The following CXADR variants were observed in gnomAD, a reference collection of about 807,000 sequenced individuals.
The protein encoded by CXADR is coxsackievirus and adenovirus receptor.
Under a neutral mutation model 40.3 loss-of-function variants are expected in CXADR, and 20 were observed. The observed-to-expected ratio is 0.50, with a 90% confidence interval of 0.35 to 0.72. The LOEUF is 0.72. CXADR is among the 30% of genes least tolerant of loss of function. The probability of loss-of-function intolerance (pLI) is 0.01; values close to 1 mark genes in which losing one functional copy is unlikely to be tolerated. For missense variants in CXADR, 332 were observed against 449.1 expected (o/e 0.74, Z 2.36); for synonymous variants, 150 against 161.3 (o/e 0.93, Z 0.53).
rs1383823843 is a variant in CXADR at position 17,565,684 on chromosome 21, A to G, written c.1090A>G (p.Ile364Val). Residue 364 changes from isoleucine to valine, a missense_variant, in exon 7 of 7, where the codon ATA becomes GTA. Coordinates refer to ENST00000284878, the MANE Select transcript of CXADR (RefSeq NM_001338.5). ...TCCAGCACAGAGCAAGGATGGGTCTATAGTATAGAGCCTCCATATGTCTCA... is the reference window on the plus strand; with the variant it reads ...TCCAGCACAGAGCAAGGATGGGTCTGTAGTATAGAGCCTCCATATGTCTCA... ...MIPAQSKDGS[I>V]V is the part of the protein sequence containing the mutation. 50 of 1,611,820 alleles carry G rather than the reference A, an allele frequency of 3.1e-5. No homozygotes were observed. The East Asian group carries it at 9.4e-4, about 30-fold the overall frequency.
chr21:17,535,807 G>A (rs1191621872), intron 1 of CXADR, among the ~76,000 whole-genome samples: 1 of 152,132 alleles, frequency 6.6e-6, no homozygotes, highest in Non-Finnish European at 1.5e-5. Flanking sequence ...GGGAGTTCAA[G>A]ACCAGCCTGA....
chr21:17,611,325 C>T, the CXADR span, among the ~76,000 whole-genome samples: 2 of 152,164 alleles, frequency 1.3e-5, no homozygotes, highest in East Asian at 1.9e-4. Context: ...GATCTTTCTC[C>T]TCATTCATTA....
intron 1 of CXADR, among the ~76,000 whole-genome samples, chr21:17,514,863 A>T (rs1045827965): frequency 6.6e-6 from 1 of 152,090 alleles, no homozygotes; most frequent in Non-Finnish European, 1.5e-5. Context: ...ACCTCAGGTG[A>T]TCCGCCTCCC....
At chr21:17,529,454 G>T (rs2060642059) in intron 1 of CXADR, among the ~76,000 whole-genome samples, 1 of 152,106 alleles carries the variant, frequency 6.6e-6, no homozygotes, top group African/African-American at 2.4e-5. Flanking sequence ...TTGAACAGCT[G>T]GGATTACAGG....
chr21:17,600,227 C>T, the CXADR span, among the ~76,000 whole-genome samples: 1 of 151,886 alleles, frequency 6.6e-6, no homozygotes, highest in East Asian at 1.9e-4. Flanking sequence ...AGGAGAAATC[C>T]ACAAATCTAT....
rs879833089 is a variant in CXADR, at chr21:17,566,010, G to C, written c.*318G>C. On this transcript the variant is annotated 3_prime_UTR_variant, in exon 7 of 7. Transcript: ENST00000284878. The stretch of plus-strand genomic sequence containing the variant: ...ATATGAAATCATAGGTGAAGACATG[G>C]GTGAACTTACTTGCATACCAAGTTG... 9 of 1,016,240 alleles carry C rather than the reference G, an allele frequency of 8.9e-6. No individual in the cohort carries two copies. The Admixed American group carries it at 5.0e-4, about 57-fold the overall frequency. 63.0% of individuals were successfully genotyped at this position (1,016,240 alleles called of 1,614,324 possible).
chr21:17,567,520 G>C lies in CXADR; in HGVS notation c.*1828G>C. 1 of 985,346 alleles carries C rather than the reference G, an allele frequency of 1.0e-6. No individual in the cohort carries two copies. The highest frequency in any genetic ancestry group is 4.7e-5 in the South Asian group (1 of 21,282). The allele number at this position is 985,346 out of a possible 1,614,324, so 61.0% of individuals were successfully genotyped here. ...GTACTGTTTCTAAAAACACATCACTGTGATACCTTTCTATCCTCACATTTT... is the reference window on the plus strand; with the variant it reads ...GTACTGTTTCTAAAAACACATCACTCTGATACCTTTCTATCCTCACATTTT... On this transcript the variant is annotated 3_prime_UTR_variant, in exon 7 of 7. Coordinates refer to ENST00000284878, the MANE Select transcript of CXADR (RefSeq NM_001338.5).
intron 1 of CXADR, among the ~76,000 whole-genome samples, chr21:17,528,581 A>G (rs1430055869): frequency 1.3e-5 from 2 of 148,258 alleles, no homozygotes; most frequent in Admixed American, 6.8e-5. Context: ...AATTTTTTGT[A>G]TTTTTTAGTA....
At chr21:17,530,490 T>G (rs754280398) in intron 1 of CXADR, 110 of 435,864 alleles carry the variant, frequency 2.5e-4, no homozygotes, top group Admixed American at 1.2e-3. Flanking sequence ...TGATGGACCC[T>G]TTTTCCCAGC....
the CXADR span, among the ~76,000 whole-genome samples, chr21:17,615,535 A>G: frequency 6.6e-6 from 1 of 152,222 alleles, no homozygotes; most frequent in African/African-American, 2.4e-5. Flanking sequence ...AACAATTATT[A>G]TAGTACACTG....
At chr21:17,525,921 C>T (rs928412613) in intron 1 of CXADR, among the ~76,000 whole-genome samples, 9 of 152,256 alleles carry the variant, frequency 5.9e-5, no homozygotes, top group African/African-American at 2.2e-4. Flanking sequence ...TTAAAATTTG[C>T]TAGTAGCCAC....
At chr21:17,582,617 A>G (rs554404986) in intron 7 of CXADR, among the ~76,000 whole-genome samples, 1 of 152,256 alleles carries the variant, frequency 6.6e-6, no homozygotes, top group Non-Finnish European at 1.5e-5. Context: ...TGTTCAACAC[A>G]TAAACTCTCA....
At chr21:17,593,567 TTAA>T (rs1171591753) in exon 8 of CXADR, 2 of 167,058 alleles carry the variant, frequency 1.2e-5, no homozygotes, top group Non-Finnish European at 2.6e-5. Context: ...TACGTTCTGT[TTAA>T]TGTTTTTGCT....
chr21:17,622,321 G>A, the CXADR span, among the ~76,000 whole-genome samples: 1 of 152,184 alleles, frequency 6.6e-6, no homozygotes, highest in East Asian at 1.9e-4. Context: ...ACTGTAGTTA[G>A]TATATTAATA....
At chr21:17,604,972 T>C in the CXADR span, 3 of 1,614,020 alleles carry the variant, frequency 1.9e-6, no homozygotes, top group Non-Finnish European at 2.5e-6. Context: ...GGATCAACTC[T>C]CTGAAATTTA....
rs374349105 is a variant in CXADR, at chr21:17,514,930, AGTT to A, written c.43+1768_43+1770del. Among the ~76,000 whole-genome samples the A allele has an allele frequency of 1.5e-3, 233 of 151,974 alleles. 1 individual carries two copies. Among genetic ancestry groups the A allele is most frequent in the African/African-American group, 4.6e-3 (191 of 41,444 alleles). On this transcript the variant is annotated intron_variant, in intron 1 of 6. Transcript: ENST00000284878. ...TGAGCCACCATGCCTGGCAGGAACT[AGTT>A]GTTGTTGTTTTAACGGGAATATTTA...
Position 17,516,968 on chromosome 21 carries a change from A to T in CXADR, c.43+3796A>T, listed in dbSNP as rs192880285. On this transcript the variant is annotated intron_variant, in intron 1 of 6. Coordinates refer to ENST00000284878, the MANE Select transcript of CXADR (RefSeq NM_001338.5). ...TGAAAAATAGAAAAAAAACAGAAAA[A>T]TACCAAATTTATAAAATAAATTGAG... Among the ~76,000 whole-genome samples the T allele has an allele frequency of 2.2e-3, 329 of 152,288 alleles. 3 individuals are homozygous for T. Among genetic ancestry groups the T allele is most frequent in the Admixed American group, 6.0e-3 (92 of 15,298 alleles).
chr21:17,559,945 T>C (rs1438389346), intron 4 of CXADR, among the ~76,000 whole-genome samples: 1 of 147,550 alleles, frequency 6.8e-6, no homozygotes, highest in African/African-American at 2.5e-5. Context: ...TCCCAAAGTA[T>C]AGGTGTGGGC....
chr21:17,541,617 ATTT>A (rs35505180), intron 1 of CXADR, among the ~76,000 whole-genome samples: 36 of 138,856 alleles, frequency 2.6e-4, no homozygotes, highest in Admixed American at 3.6e-4. Flanking sequence ...GCATCTGTTG[ATTT>A]TTTTTTTTTT....
Sources: gnomAD v4.1 joint callset for allele counts (sites outside exome capture counted in the v4.1 genomes callset) on GRCh38, gnomAD v4.1.1 for gene constraint, MANE v1.5 for transcripts, NCBI Gene and HGNC (gene_info 2026-07-23, HGNC 2026-07-21) for gene names.